INPP4B: variants seen among roughly 807,000 people sequenced by gnomAD.
INPP4B encodes the protein inositol polyphosphate 4-phosphatase type II.
In INPP4B, 55 loss-of-function variants were observed where a neutral mutation model predicts 122.5. The ratio of observed to expected loss-of-function variants is 0.45; its 90% CI spans 0.36 to 0.56. INPP4B has a LOEUF of 0.56. Among genes scored for constraint, INPP4B ranks in the 20% least tolerant of loss-of-function variants. The pLI is 0.00. For missense variants in INPP4B, 1,000 were observed against 1,097.7 expected (o/e 0.91, Z 1.26); for synonymous variants, 403 against 388.7 (o/e 1.04, Z -0.43).
rs193193412 is a variant in INPP4B at position 142,834,529 on chromosome 4, T to C, written c.-254+11680A>G. Among the ~76,000 whole-genome samples the C allele has an allele frequency of 2.0e-5, 3 of 152,322 alleles. No individual in the cohort carries two copies. The East Asian group carries it at 5.8e-4, about 29-fold the overall frequency. On this transcript the variant is annotated intron_variant, in intron 1 of 25. Coordinates refer to ENST00000262992, the MANE Select transcript of INPP4B (RefSeq NM_001101669.3). ...GTCATCCTAAAATGGAGCATGGGAA[T>C]AGTAAAACTAGAGGTCCTTGAGGGT...
At chr4:142,295,400 G>A (rs1406780753) in intron 9 of INPP4B, among the ~76,000 whole-genome samples, 1 of 152,186 alleles carries the variant, frequency 6.6e-6, no homozygotes, top group African/African-American at 2.4e-5. Flanking sequence ...TGGGGGGTGA[G>A]TGTTCATTTG....
chr4:142,366,137 A>G (rs999196009), intron 7 of INPP4B, among the ~76,000 whole-genome samples: 7 of 152,076 alleles, frequency 4.6e-5, no homozygotes, highest in African/African-American at 1.4e-4. Flanking sequence ...CTCACCATTA[A>G]GAAGGTTCTT....
intron 2 of INPP4B, among the ~76,000 whole-genome samples, chr4:142,609,957 A>G (rs1742119827): frequency 6.6e-6 from 1 of 152,196 alleles, no homozygotes; most frequent in African/African-American, 2.4e-5. Flanking sequence ...ACTGGTGGAT[A>G]TGGTAGCCAC....
chr4:142,673,285 T>C (rs34626802), intron 2 of INPP4B, among the ~76,000 whole-genome samples: 18,309 of 152,136 alleles, frequency 0.12, 1,182 homozygotes, highest in African/African-American at 0.16. Flanking sequence ...TTGATTGAAA[T>C]TGCATTGAAT....
intron 18 of INPP4B, among the ~76,000 whole-genome samples, chr4:142,129,970 G>C (rs1043157824): frequency 4.6e-5 from 7 of 152,136 alleles, no homozygotes; most frequent in African/African-American, 1.7e-4. Flanking sequence ...AGCTAAAATT[G>C]AGAAGGAAAG....
chr4:142,463,061 A>C (rs77485837), intron 2 of INPP4B, among the ~76,000 whole-genome samples: 2,443 of 152,300 alleles, frequency 0.016, 75 homozygotes, highest in African/African-American at 0.055. Flanking sequence ...AGAAAGGGTT[A>C]ACTCAGCAGG....
At chr4:142,305,321 G>C in intron 9 of INPP4B, 137 bp downstream of exon 9, 2 of 630,012 alleles carry the variant, frequency 3.2e-6, no homozygotes, top group Non-Finnish European at 5.6e-6. Context: ...ACTATAACTT[G>C]CTGCAGTGGA....
At chr4:142,305,759 A>G (rs1386671303) in intron 8 of INPP4B, 5 of 1,362,690 alleles carry the variant, frequency 3.7e-6, no homozygotes, top group Non-Finnish European at 4.7e-6. Flanking sequence ...AAAGAGACCA[A>G]CAGGCTAGAA....
intron 2 of INPP4B, among the ~76,000 whole-genome samples, chr4:142,697,705 C>T (rs968769621): frequency 2.6e-5 from 4 of 152,126 alleles, no homozygotes; most frequent in South Asian, 2.1e-4. Flanking sequence ...GAAGAAAATG[C>T]AGCCATGGAA....
At chr4:142,803,649 TAA>T (rs34262906) in intron 1 of INPP4B, among the ~76,000 whole-genome samples, 4 of 138,940 alleles carry the variant, frequency 2.9e-5, no homozygotes, top group African/African-American at 1.1e-4. Context: ...CAATAAAACT[TAA>T]AAAAAAAAAA....
At chr4:142,481,445 A>G (rs1297544186) in intron 2 of INPP4B, among the ~76,000 whole-genome samples, 2 of 152,152 alleles carry the variant, frequency 1.3e-5, no homozygotes, top group Non-Finnish European at 2.9e-5. Context: ...GAATCCCTCT[A>G]ATGAGACTGC....
At chr4:142,393,442 C>A (rs986026306) in intron 7 of INPP4B, among the ~76,000 whole-genome samples, 13 of 152,222 alleles carry the variant, frequency 8.5e-5, no homozygotes, top group Non-Finnish European at 1.8e-4. Context: ...AAGGAGGTAC[C>A]CTCTATTCAA....
intron 25 of INPP4B, among the ~76,000 whole-genome samples, chr4:142,069,130 G>C (rs557808107): frequency 4.6e-5 from 7 of 152,148 alleles, no homozygotes; most frequent in Admixed American, 4.6e-4. Flanking sequence ...ATAACAAACT[G>C]TCTCTCAGAC....
At chr4:142,641,764 G>C (rs1388156877) in intron 2 of INPP4B, among the ~76,000 whole-genome samples, 1 of 152,084 alleles carries the variant, frequency 6.6e-6, no homozygotes, top group East Asian at 1.9e-4. Flanking sequence ...ATGATTTATA[G>C]TCCTTTGGGT....
At chr4:142,638,854 T>C (rs1397467430) in intron 2 of INPP4B, among the ~76,000 whole-genome samples, 2 of 152,206 alleles carry the variant, frequency 1.3e-5, no homozygotes, top group Non-Finnish European at 1.5e-5. Context: ...CCTAGTTGTC[T>C]ATTCTTAATG....
intron 2 of INPP4B, among the ~76,000 whole-genome samples, chr4:142,613,910 T>C (rs1008030808): frequency 3.6e-4 from 55 of 152,184 alleles, no homozygotes; most frequent in African/African-American, 1.3e-3. Context: ...AAGGGTTTGT[T>C]GTATTAAGAG....
intron 11 of INPP4B, among the ~76,000 whole-genome samples, chr4:142,246,090 G>GTGTGTGTATACACACACACATATATATA (rs1728598195): frequency 7.5e-6 from 1 of 132,832 alleles, no homozygotes; most frequent in African/African-American, 3.1e-5. Flanking sequence ...TTATATATAT[G>GTGTGTGTATACACACACACATATATATA]TGTGTGTGTA....
intron 25 of INPP4B, among the ~76,000 whole-genome samples, chr4:142,060,355 T>C (rs533767906): frequency 6.6e-5 from 10 of 152,316 alleles, no homozygotes; most frequent in Non-Finnish European, 1.2e-4. Flanking sequence ...TATTCATTTA[T>C]ATTTCATTGT....
chr4:142,130,803 TG>T (rs1353883856), intron 18 of INPP4B, among the ~76,000 whole-genome samples: 13 of 152,156 alleles, frequency 8.5e-5, no homozygotes, highest in Non-Finnish European at 1.8e-4. Context: ...CCAAGACAAA[TG>T]GCTATGACAA....
Sources: gnomAD v4.1 joint callset for allele counts (sites outside exome capture counted in the v4.1 genomes callset) on GRCh38, gnomAD v4.1.1 for gene constraint, MANE v1.5 for transcripts, NCBI Gene and HGNC (gene_info 2026-07-23, HGNC 2026-07-21) for gene names.